Variants in PABPC4L observed in about 807,000 individuals in gnomAD.
The protein encoded by PABPC4L is polyadenylate-binding protein 4-like.
For synonymous variants in PABPC4L, 169 were observed against 164.1 expected, an observed-to-expected ratio of 1.03 and a Z score of -0.23; for missense variants, 452 against 451.4, an observed-to-expected ratio of 1.00 and a Z score of -0.01.
the PABPC4L span, among the ~76,000 whole-genome samples, chr4:134,037,496 G>C: frequency 8.5e-4 from 130 of 152,180 alleles, no homozygotes; most frequent in East Asian, 0.018. Context: ...ATACTATCAT[G>C]TTAATACTTC....
At chr4:134,076,290 T>C in the PABPC4L span, among the ~76,000 whole-genome samples, 2 of 152,112 alleles carry the variant, frequency 1.3e-5, no homozygotes, top group African/African-American at 2.4e-5. Context: ...TGGGTTAAAA[T>C]AAGAAAGTTT....
chr4:134,167,428 A>T, the PABPC4L span, among the ~76,000 whole-genome samples: 2 of 148,008 alleles, frequency 1.4e-5, no homozygotes, highest in Admixed American at 1.3e-4. Context: ...TAATAATAAT[A>T]AATAAATAAT....
the PABPC4L span, among the ~76,000 whole-genome samples, chr4:133,970,766 T>C: frequency 6.6e-6 from 1 of 152,112 alleles, no homozygotes; most frequent in Non-Finnish European, 1.5e-5. Flanking sequence ...ATGAGATTAG[T>C]GTCCTTATTA....
the PABPC4L span, among the ~76,000 whole-genome samples, chr4:134,024,075 G>A: frequency 7.9e-5 from 12 of 152,054 alleles, no homozygotes; most frequent in African/African-American, 2.7e-4. Flanking sequence ...CTACGTACAG[G>A]CATGACAAAG....
At chr4:134,006,291 A>T in the PABPC4L span, among the ~76,000 whole-genome samples, 1 of 151,838 alleles carries the variant, frequency 6.6e-6, no homozygotes, top group African/African-American at 2.4e-5. Context: ...TTGTATGTAT[A>T]TATGTAGTTA....
the PABPC4L span, among the ~76,000 whole-genome samples, chr4:133,987,376 T>A: frequency 5.9e-5 from 9 of 152,160 alleles, no homozygotes; most frequent in African/African-American, 2.2e-4. Context: ...TATTTTCTCA[T>A]TTGTAATTTC....
At chr4:134,047,061 C>T in the PABPC4L span, among the ~76,000 whole-genome samples, 1 of 152,172 alleles carries the variant, frequency 6.6e-6, no homozygotes, top group East Asian at 1.9e-4. Context: ...AGTCTACAAG[C>T]ATGCCTTCCT....
At chr4:134,124,997 C>T in the PABPC4L span, among the ~76,000 whole-genome samples, 1 of 152,012 alleles carries the variant, frequency 6.6e-6, no homozygotes, top group Non-Finnish European at 1.5e-5. Flanking sequence ...GAAGACCACA[C>T]CGGTAATCTG....
At chr4:134,021,680 C>A in the PABPC4L span, among the ~76,000 whole-genome samples, 1 of 152,126 alleles carries the variant, frequency 6.6e-6, no homozygotes. Context: ...AAATAGTCTG[C>A]TCCTTCACAC....
At chr4:134,127,682 A>G in the PABPC4L span, among the ~76,000 whole-genome samples, 1 of 152,098 alleles carries the variant, frequency 6.6e-6, no homozygotes. Context: ...TCCCTCTGAC[A>G]TAGTCTACCC....
chr4:134,127,754 C>G, the PABPC4L span, among the ~76,000 whole-genome samples: 1 of 151,976 alleles, frequency 6.6e-6, no homozygotes, highest in African/African-American at 2.4e-5. Flanking sequence ...CTTTAATACC[C>G]CCAAAAGATC....
At chr4:134,046,183 A>C in the PABPC4L span, among the ~76,000 whole-genome samples, 2 of 152,208 alleles carry the variant, frequency 1.3e-5, no homozygotes, top group Non-Finnish European at 2.9e-5. Context: ...TATTTTCACT[A>C]TCTCAGCAAG....
chr4:133,975,504 A>G, the PABPC4L span, among the ~76,000 whole-genome samples: 5 of 152,138 alleles, frequency 3.3e-5, no homozygotes, highest in Non-Finnish European at 7.4e-5. Flanking sequence ...ATCTCAATAA[A>G]TTTGCTATAA....
At chr4:134,126,713 C>A in the PABPC4L span, among the ~76,000 whole-genome samples, 2 of 152,012 alleles carry the variant, frequency 1.3e-5, no homozygotes, top group Non-Finnish European at 2.9e-5. Context: ...TGTGAAGAGG[C>A]CCACATTGTG....
the PABPC4L span, among the ~76,000 whole-genome samples, chr4:134,027,879 G>A: frequency 1.3e-5 from 2 of 152,132 alleles, no homozygotes; most frequent in Non-Finnish European, 2.9e-5. Flanking sequence ...GATGGCTGCT[G>A]TCTGAGACAC....
chr4:134,182,114 A>G, the PABPC4L span, among the ~76,000 whole-genome samples: 1 of 151,866 alleles, frequency 6.6e-6, no homozygotes, highest in Non-Finnish European at 1.5e-5. Flanking sequence ...AAACAAAAAA[A>G]CTATCTAAAA....
chr4:133,988,772 A>C, the PABPC4L span, among the ~76,000 whole-genome samples: 1 of 152,120 alleles, frequency 6.6e-6, no homozygotes, highest in South Asian at 2.1e-4. Flanking sequence ...GTGTGGGTGC[A>C]CCAACCCCAC....
At chr4:134,074,886 T>G in the PABPC4L span, among the ~76,000 whole-genome samples, 1 of 152,104 alleles carries the variant, frequency 6.6e-6, no homozygotes. Context: ...TACCTCCCAC[T>G]GGGTCCCTCC....
chr4:134,058,190 T>C, the PABPC4L span, among the ~76,000 whole-genome samples: 3 of 151,826 alleles, frequency 2.0e-5, no homozygotes, highest in Non-Finnish European at 2.9e-5. Context: ...AAAAAGTATT[T>C]GGAAAAAAGG....
Sources: allele counts gnomAD v4.1 joint callset (sites outside exome capture counted in the v4.1 genomes callset), GRCh38; gene constraint gnomAD v4.1.1; transcripts MANE v1.5; gene names NCBI Gene and HGNC (gene_info 2026-07-23, HGNC 2026-07-21).